The following ADAMTS3 variants were observed in gnomAD, a reference collection of about 807,000 sequenced individuals.
ADAMTS3 encodes the protein A disintegrin and metalloproteinase with thrombospondin motifs 3.
A neutral mutation model predicts 129.0 loss-of-function variants in ADAMTS3; 73 were observed. The observed-to-expected ratio is 0.57, with a 90% CI of 0.47 to 0.69. The LOEUF (loss-of-function observed/expected upper bound fraction) is 0.69. Ranked by LOEUF, ADAMTS3 falls within the 30% of genes least tolerant of loss-of-function variation. The probability of loss-of-function intolerance (pLI) is 0.00; values close to 1 mark genes in which losing one functional copy is unlikely to be tolerated. For missense variants in ADAMTS3, 1,457 were observed against 1,514.5 expected (o/e 0.96, Z 0.63); for synonymous variants, 477 against 510.8 (o/e 0.93, Z 0.89).
At chr4:72,399,140 TAA>T (rs1247079490) in intron 4 of ADAMTS3, among the ~76,000 whole-genome samples, 1 of 152,204 alleles carries the variant, frequency 6.6e-6, no homozygotes, top group African/African-American at 2.4e-5. Flanking sequence ...AGAAAATGTT[TAA>T]GTTATTTTTC....
At chr4:72,451,489 G>A (rs1718404557) in intron 3 of ADAMTS3, among the ~76,000 whole-genome samples, 1 of 151,790 alleles carries the variant, frequency 6.6e-6, no homozygotes, top group Non-Finnish European at 1.5e-5. Flanking sequence ...GGAAGCACTA[G>A]TGGAAAAGCT....
intron 3 of ADAMTS3, among the ~76,000 whole-genome samples, chr4:72,443,760 T>C (rs1317983884): frequency 6.6e-6 from 1 of 151,654 alleles, no homozygotes; most frequent in African/African-American, 2.4e-5. Context: ...TTTCATGTTT[T>C]TACTATTATT....
chr4:72,336,818 C>G (rs1720002579), intron 5 of ADAMTS3, among the ~76,000 whole-genome samples: 1 of 152,114 alleles, frequency 6.6e-6, no homozygotes, highest in Non-Finnish European at 1.5e-5. Flanking sequence ...TCCCAGGCCT[C>G]TGTCGCTATT....
chr4:72,530,470 A>T, intron 3 of ADAMTS3, among the ~76,000 whole-genome samples: 1 of 89,956 alleles, frequency 1.1e-5, no homozygotes, highest in South Asian at 3.6e-4. Context: ...TAAATATATT[A>T]ATTTAATATA....
chr4:72,347,751 T>C (rs560376271), intron 4 of ADAMTS3, among the ~76,000 whole-genome samples: 10 of 152,132 alleles, frequency 6.6e-5, no homozygotes, highest in South Asian at 4.1e-4. Context: ...AAGGAGGTAA[T>C]AGAAGAGTAG....
chr4:72,543,873 T>G (rs1037460116), intron 3 of ADAMTS3, among the ~76,000 whole-genome samples: 5 of 152,146 alleles, frequency 3.3e-5, no homozygotes, highest in Admixed American at 3.3e-4. Flanking sequence ...GTACATTTTA[T>G]GTTATGTGTA....
intron 3 of ADAMTS3, among the ~76,000 whole-genome samples, chr4:72,419,022 A>C (rs889882082): frequency 2.6e-5 from 4 of 152,104 alleles, no homozygotes; most frequent in African/African-American, 9.7e-5. Flanking sequence ...ACACTTCCCT[A>C]AGCTGGCTGG....
intron 4 of ADAMTS3, among the ~76,000 whole-genome samples, chr4:72,364,962 G>T (rs1324956791): frequency 7.2e-5 from 11 of 152,130 alleles, no homozygotes; most frequent in Admixed American, 2.0e-4. Flanking sequence ...ATAAGTTTCT[G>T]TTTGTTTTGC....
intron 14 of ADAMTS3, among the ~76,000 whole-genome samples, chr4:72,310,293 T>A (rs1246001314): frequency 6.6e-6 from 1 of 152,026 alleles, no homozygotes; most frequent in East Asian, 1.9e-4. Context: ...CACTCAAAAG[T>A]ATGGGATGAA....
chr4:72,285,063 A>T (rs1383804129), intron 21 of ADAMTS3, among the ~76,000 whole-genome samples: 2 of 152,210 alleles, frequency 1.3e-5, no homozygotes, highest in Non-Finnish European at 2.9e-5. Flanking sequence ...ATTATTGGGT[A>T]ATACTATACT....
Position 72,534,692 on chromosome 4 carries a change from G to A in ADAMTS3, c.504+13786C>T, listed in dbSNP as rs138348719. On this transcript the variant is annotated intron_variant, in intron 3 of 21. Transcript: ENST00000286657. ...CACAAATGGAACAAAAAGAATCACT[G>A]ACCTAATTCAAACTCCTGGTTTTTA... Among the ~76,000 whole-genome samples the A allele has an allele frequency of 3.7e-3, 563 of 152,268 alleles. 1 individual carries two copies. Among genetic ancestry groups the A allele is most frequent in the Non-Finnish European group, 6.0e-3 (408 of 68,022 alleles).
At chr4:72,506,589 C>G (rs1720164870) in intron 3 of ADAMTS3, among the ~76,000 whole-genome samples, 1 of 152,206 alleles carries the variant, frequency 6.6e-6, no homozygotes, top group African/African-American at 2.4e-5. Context: ...TGTTCTCAGT[C>G]CCACATCTAG....
intron 4 of ADAMTS3, among the ~76,000 whole-genome samples, chr4:72,382,788 A>G (rs1431967942): frequency 6.6e-6 from 1 of 152,202 alleles, no homozygotes; most frequent in Admixed American, 6.5e-5. Flanking sequence ...ACAGAAAATC[A>G]AATACCACCT....
intron 4 of ADAMTS3, among the ~76,000 whole-genome samples, chr4:72,352,678 A>G (rs1477585259): frequency 1.3e-5 from 2 of 151,994 alleles, no homozygotes; most frequent in African/African-American, 4.8e-5. Flanking sequence ...GAATCAGTTT[A>G]CTCTACCAGG....
intron 3 of ADAMTS3, among the ~76,000 whole-genome samples, chr4:72,497,787 A>T (rs1011630435): frequency 1.6e-4 from 24 of 152,014 alleles, no homozygotes; most frequent in African/African-American, 5.8e-4. Flanking sequence ...AAAACTGACC[A>T]GCCTAATTTT....
At chr4:72,411,885 T>C (rs1484791994) in intron 4 of ADAMTS3, among the ~76,000 whole-genome samples, 2 of 152,080 alleles carry the variant, frequency 1.3e-5, no homozygotes, top group Non-Finnish European at 2.9e-5. Context: ...CAAAACTCCA[T>C]CAGTTTTCCT....
chr4:72,315,814 T>C (rs767917344), intron 11 of ADAMTS3, 44 bp downstream of exon 11: 11 of 1,286,952 alleles, frequency 8.5e-6, no homozygotes, highest in African/African-American at 4.5e-5. Context: ...ATGATAATTA[T>C]GCAACATATC....
intron 3 of ADAMTS3, among the ~76,000 whole-genome samples, chr4:72,497,546 T>C (rs1719900825): frequency 6.6e-6 from 1 of 151,480 alleles, no homozygotes; most frequent in Non-Finnish European, 1.5e-5. Context: ...TATCAAAACA[T>C]AGCCCATAAA....
chr4:72,366,907 T>A (rs1316881945), intron 4 of ADAMTS3, among the ~76,000 whole-genome samples: 1 of 152,078 alleles, frequency 6.6e-6, no homozygotes, highest in Non-Finnish European at 1.5e-5. Flanking sequence ...TTTCTCTTTC[T>A]TTTCTCATTC....
Sources: allele counts gnomAD v4.1 joint callset (sites outside exome capture counted in the v4.1 genomes callset), GRCh38; gene constraint gnomAD v4.1.1; transcripts MANE v1.5; gene names NCBI Gene and HGNC (gene_info 2026-07-23, HGNC 2026-07-21).